FGB: variants seen among roughly 807,000 people sequenced by gnomAD.
FGB encodes beta-fibrinogen.
In FGB, 25 loss-of-function variants were observed where a neutral mutation model predicts 57.9. That is an observed-to-expected ratio of 0.43 (90% confidence interval 0.31 to 0.60). The LOEUF (loss-of-function observed/expected upper bound fraction) is 0.60. Among genes scored for constraint, FGB ranks in the 20% least tolerant of loss-of-function variants. The probability of loss-of-function intolerance (pLI) is 0.08; values close to 1 mark genes in which losing one functional copy is unlikely to be tolerated. For synonymous variants in FGB, 203 were observed against 199.2 expected, an observed-to-expected ratio of 1.02 and a Z score of -0.16; for missense variants, 536 against 598.4, an observed-to-expected ratio of 0.90 and a Z score of 1.09.
chr4:154,570,123 G>T (rs1379676263), intron 7 of FGB, among the ~76,000 whole-genome samples: 5 of 144,640 alleles, frequency 3.5e-5, no homozygotes, highest in Non-Finnish European at 7.9e-5. Flanking sequence ...AAGTGTGTGT[G>T]AAAACTTTCA....
At chr4:154,569,154 A>G (rs1730302407) in intron 5 of FGB, 28 bp from the exon 6 acceptor site, 1 of 1,613,292 alleles carries the variant, frequency 6.2e-7, no homozygotes, top group African/African-American at 1.3e-5. Flanking sequence ...TGGTTAATAT[A>G]TGCTCTTTTT....
chr4:154,568,309 A>T, intron 4 of FGB, 72 bp from the exon 5 acceptor site: 1 of 825,564 alleles, frequency 1.2e-6, no homozygotes, highest in Non-Finnish European at 2.2e-6. Flanking sequence ...ATGTTATTTT[A>T]AAGAATTGGT....
At position 154,565,824 on chromosome 4, in the gene FGB, G is replaced by A. The variant is rs746361316; in HGVS notation, c.131G>A (p.Arg44His). 8.1e-6 allele frequency: 13 copies of A among 1,614,032 alleles called. No individual in the cohort carries two copies. Among genetic ancestry groups the A allele is most frequent in the East Asian group, 2.2e-5 (1 of 44,890 alleles). The part of the protein sequence containing the change: ...NDNEEGFFSA[R>H]GHRPLDKKRE... ...TCCTTGTAGGGTTTCTTCAGTGCCC[G>A]TGGTCATCGACCCCTTGACAAGAAG... Residue 44 changes from arginine (R) to histidine (H), a missense_variant, in exon 2 of 8, where the codon CGT (arginine) becomes CAT (histidine). Arg to His is a conservative substitution (Grantham distance 29, BLOSUM62 0). Coordinates refer to ENST00000302068, the MANE Select transcript of FGB (RefSeq NM_005141.5).
rs1401920224 is a variant in FGB at position 154,566,688 on chromosome 4, C to G, written c.490+16C>G. Reference sequence around the variant, plus strand: ...CAAGTAAAAGGTAGATATCCTTGTGCTTTCCATTCGATTTTCAGCTATAAA... The same window carrying G: ...CAAGTAAAAGGTAGATATCCTTGTGGTTTCCATTCGATTTTCAGCTATAAA... On this transcript the variant is annotated intron_variant, in intron 3 of 7. Transcript: ENST00000302068. 1 of 1,612,416 alleles carries G rather than the reference C, an allele frequency of 6.2e-7. No individual in the cohort carries two copies. The highest frequency in any genetic ancestry group is 1.1e-5 in the South Asian group (1 of 91,044).
At position 154,572,794 on chromosome 4, in the gene FGB, C is replaced by T. The variant is rs1404021121; in HGVS notation, c.*2144C>T. Among the ~76,000 whole-genome samples the T allele has an allele frequency of 6.6e-6, 1 of 152,100 alleles. No individual in the cohort carries two copies. Among genetic ancestry groups the T allele is most frequent in the Non-Finnish European group, 1.5e-5 (1 of 68,022 alleles). Reference sequence around the variant, plus strand: ...GCACAGTCAAGATATTAAATATATCCATCACCTCCAAAAGTTTCCTTGTGT... The same window carrying T: ...GCACAGTCAAGATATTAAATATATCTATCACCTCCAAAAGTTTCCTTGTGT... On this transcript the variant is annotated 3_prime_UTR_variant, in exon 8 of 8. Transcript: ENST00000302068.
chr4:154,566,033 C>G (rs1578782292), intron 2 of FGB, 34 bp downstream of exon 2: 1 of 1,587,818 alleles, frequency 6.3e-7, no homozygotes, highest in Non-Finnish European at 8.6e-7. Flanking sequence ...AGTGGTGGCT[C>G]TCTCATGCAG....
In FGB at chr4:154,567,708, G is replaced by A. The variant is rs1043727; in HGVS notation, c.606G>A (p.Leu202=). ...ACCTTCGTGTGCTTCGTTCAATCCT[G>A]GAAAACCTGAGAAGCAAAATACAAA... ...PTNLRVLRSI[L]ENLRSKIQKL... Residue 202 remains leucine, a synonymous_variant, in exon 4 of 8, where the codon CTG becomes CTA. Transcript: ENST00000302068. 6.2e-7 allele frequency: 1 copy of A among 1,613,884 alleles called. No individual in the cohort carries two copies. Among genetic ancestry groups the A allele is most frequent in the Non-Finnish European group, 8.5e-7 (1 of 1,179,858 alleles).
chr4:154,564,032 G>T (rs1381349407), intron 1 of FGB, among the ~76,000 whole-genome samples: 2 of 151,596 alleles, frequency 1.3e-5, no homozygotes, highest in Non-Finnish European at 3.0e-5. Flanking sequence ...TAGTTAATCT[G>T]GTTGTGTGTG....
chr4:154,568,051 T>C (rs1290363176), intron 4 of FGB, among the ~76,000 whole-genome samples: 1 of 152,178 alleles, frequency 6.6e-6, no homozygotes, highest in East Asian at 1.9e-4. Context: ...GTGGCTGATG[T>C]GTGCATCTGC....
chr4:154,563,325 T>G (rs1730026701), intron 1 of FGB, among the ~76,000 whole-genome samples, 193 bp downstream of exon 1: 1 of 151,928 alleles, frequency 6.6e-6, no homozygotes, highest in African/African-American at 2.4e-5. Context: ...AATTTCTTGT[T>G]TTCTAGTTTA....
At chr4:154,563,934 T>C (rs935027562) in intron 1 of FGB, among the ~76,000 whole-genome samples, 2 of 151,982 alleles carry the variant, frequency 1.3e-5, no homozygotes, top group Admixed American at 1.3e-4. Flanking sequence ...CACAATAATA[T>C]TTAAATGAAG....
chr4:154,566,013 T>TGA lies in FGB; in HGVS notation c.306+15_306+16insAG, dbSNP rs750691687. On this transcript the variant is annotated intron_variant, in intron 2 of 7. Transcript: ENST00000302068. ...GACCCAGACCTGGTGGGTGCACTGA[T>TGA]GTTTCTTGCAGTGGTGGCTCTCTCA... is the stretch of plus-strand genomic sequence containing the variant. 328 of 1,610,796 alleles carry TGA rather than the reference T, an allele frequency of 2.0e-4. 1 individual carries two copies. In the African/African-American group the frequency reaches 4.1e-3, roughly 20 times the overall value.
chr4:154,572,402 G>T lies in FGB; in HGVS notation c.*1752G>T, dbSNP rs116381809. 0.014 allele frequency among the ~76,000 whole-genome samples: 2,164 copies of T among 152,280 alleles called. 21 individuals carry two copies. Among genetic ancestry groups the T allele is most frequent in the South Asian group, 0.037 (180 of 4,826 alleles). ...ACTTAAATACAGATGTGGTCCAGTGGCAGTGGGCTGGACAGGACCGCTACT... is the reference window on the plus strand; with the variant it reads ...ACTTAAATACAGATGTGGTCCAGTGTCAGTGGGCTGGACAGGACCGCTACT... On this transcript the variant is annotated 3_prime_UTR_variant, in exon 8 of 8. Transcript: ENST00000302068.
rs961289746 is a variant in FGB at position 154,570,791 on chromosome 4, A to T, written c.*141A>T. The T allele has an allele frequency of 1.4e-6, 1 of 715,998 alleles. No homozygotes were observed. The highest frequency in any genetic ancestry group is 2.5e-6 in the Non-Finnish European group (1 of 392,192). The allele number at this position is 715,998 out of a possible 1,614,324, so 44.4% of individuals were successfully genotyped here. ...TGACTTTTTGAAAAAAGTATAGGAT[A>T]AATTACATTAAAATAGCACATGATT... is the stretch of plus-strand genomic sequence containing the variant. On this transcript the variant is annotated 3_prime_UTR_variant, in exon 8 of 8. Coordinates refer to ENST00000302068, the MANE Select transcript of FGB (RefSeq NM_005141.5).
chr4:154,570,298 T>C (rs1730363895), intron 7 of FGB, 121 bp from the exon 8 acceptor site: 7 of 755,032 alleles, frequency 9.3e-6, no homozygotes, highest in South Asian at 9.1e-5. Context: ...ACTCTATGTA[T>C]AGCACCCAAA....
At chr4:154,569,832 A>C (rs1730345243) in intron 7 of FGB, 33 bp downstream of exon 7, 1 of 1,609,252 alleles carries the variant, frequency 6.2e-7, no homozygotes, top group Admixed American at 1.7e-5. Flanking sequence ...CTGCTTTAAA[A>C]ATCACACTAA....
At chr4:154,563,164 G>A (rs771407974) in intron 1 of FGB, 32 bp downstream of exon 1, 16 of 864,534 alleles carry the variant, frequency 1.9e-5, no homozygotes, top group South Asian at 9.2e-5. Context: ...TATATTATTA[G>A]TAGTATTATT....
At chr4:154,567,942 C>A in intron 4 of FGB, 122 bp downstream of exon 4, 1 of 805,250 alleles carries the variant, frequency 1.2e-6, no homozygotes, top group South Asian at 1.4e-5. Flanking sequence ...AATGACATTA[C>A]AGTACATCAT....
rs919284624 is a variant in FGB, at chr4:154,571,346, C to T, written c.*696C>T. 6.6e-6 allele frequency among the ~76,000 whole-genome samples: 1 copy of T among 151,618 alleles called. No individual in the cohort carries two copies. Among genetic ancestry groups the T allele is most frequent in the Non-Finnish European group, 1.5e-5 (1 of 67,922 alleles). On this transcript the variant is annotated 3_prime_UTR_variant, in exon 8 of 8. Coordinates refer to ENST00000302068, the MANE Select transcript of FGB (RefSeq NM_005141.5). ...TGAAACCCCATCTCTACTAAAAATA[C>T]AAAAATTAGCCAGGCGTGGTGGCAG...
Sources: allele counts gnomAD v4.1 joint callset (sites outside exome capture counted in the v4.1 genomes callset), GRCh38; gene constraint gnomAD v4.1.1; transcripts MANE v1.5; gene names NCBI Gene and HGNC (gene_info 2026-07-23, HGNC 2026-07-21).